The following FSTL5 variants were observed in gnomAD, a reference collection of about 807,000 sequenced individuals.
The protein encoded by FSTL5 is follistatin-related protein 5.
Under a neutral mutation model 89.1 loss-of-function variants are expected in FSTL5, and 62 were observed. That is an observed-to-expected ratio of 0.70 (90% CI 0.57 to 0.86). The LOEUF (loss-of-function observed/expected upper bound fraction) is 0.86. Ranked by LOEUF, FSTL5 falls within the 40% of genes least tolerant of loss-of-function variation. The pLI is 0.00. For synonymous variants in FSTL5, 383 were observed against 346.2 expected, an observed-to-expected ratio of 1.11 and a Z score of -1.18; for missense variants, 1,057 against 1,001.6, an observed-to-expected ratio of 1.06 and a Z score of -0.75.
At chr4:162,112,907 C>A (rs1045844250) in intron 1 of FSTL5, among the ~76,000 whole-genome samples, 1 of 151,992 alleles carries the variant, frequency 6.6e-6, no homozygotes, top group East Asian at 1.9e-4. Flanking sequence ...AAGAAATTGT[C>A]ACTTTCTTTG....
chr4:161,618,132 A>G (rs1294049379), intron 7 of FSTL5, among the ~76,000 whole-genome samples: 2 of 145,724 alleles, frequency 1.4e-5, no homozygotes, highest in Non-Finnish European at 3.0e-5. Context: ...TTTGTCTGTT[A>G]TTGGTGTATA....
chr4:161,956,122 T>C (rs559722054), intron 3 of FSTL5, among the ~76,000 whole-genome samples: 53 of 152,014 alleles, frequency 3.5e-4, no homozygotes, highest in African/African-American at 1.2e-3. Context: ...ATTAAAAATC[T>C]ATTTTTTCTT....
intron 8 of FSTL5, among the ~76,000 whole-genome samples, chr4:161,583,063 G>C (rs4131165): frequency 3.3e-5 from 5 of 152,020 alleles, no homozygotes; most frequent in Non-Finnish European, 5.9e-5. Flanking sequence ...GTAGCCAGGC[G>C]TGGTGGCGGG....
chr4:161,691,459 A>T (rs1327597769), intron 6 of FSTL5, among the ~76,000 whole-genome samples: 3 of 152,138 alleles, frequency 2.0e-5, no homozygotes, highest in Non-Finnish European at 4.4e-5. Flanking sequence ...AAATTGAGGC[A>T]TGTGAATCTT....
At position 162,141,106 on chromosome 4, in the gene FSTL5, C is replaced by CTTTTT. The variant is rs3032092; in HGVS notation, c.-17+22504_-17+22508dup. On this transcript the variant is annotated intron_variant, in intron 1 of 15. Coordinates refer to ENST00000306100, the MANE Select transcript of FSTL5 (RefSeq NM_020116.5). ...AGTGTGGCACCTCCCTCCCTTCTCTCTTTTTTTTTTTTTTTTTTTTTTTTT... is the reference window on the plus strand; with the variant it reads ...AGTGTGGCACCTCCCTCCCTTCTCTCTTTTTTTTTTTTTTTTTTTTTTTTTTTTTT... Among the ~76,000 whole-genome samples the CTTTTT allele has an allele frequency of 2.9e-3, 128 of 44,004 alleles. 6 individuals carry two copies. The highest frequency in any genetic ancestry group is 7.0e-3 in the East Asian group (9 of 1,286). The allele number at this position is 44,004 out of a possible 152,430, so 28.9% of individuals were successfully genotyped here. A position where few individuals can be genotyped will look rare whatever the true frequency, so the allele number is the denominator to read the frequency against.
chr4:161,439,336 G>A (rs1337978309), intron 15 of FSTL5, among the ~76,000 whole-genome samples: 1 of 152,218 alleles, frequency 6.6e-6, no homozygotes, highest in Non-Finnish European at 1.5e-5. Flanking sequence ...GTGGATGAGT[G>A]AGTTGGAGGC....
chr4:161,900,877 A>T (rs1256816247), intron 4 of FSTL5, among the ~76,000 whole-genome samples: 1 of 152,070 alleles, frequency 6.6e-6, no homozygotes, highest in Non-Finnish European at 1.5e-5. Context: ...TACAATAGTT[A>T]AACATGTTTA....
intron 3 of FSTL5, among the ~76,000 whole-genome samples, chr4:161,955,872 C>G (rs1210457802): frequency 2.0e-5 from 3 of 151,524 alleles, no homozygotes; most frequent in Non-Finnish European, 3.0e-5. Flanking sequence ...AACATTTTTT[C>G]AAGGAGAGAG....
At chr4:161,431,420 T>C (rs1156715866) in intron 15 of FSTL5, among the ~76,000 whole-genome samples, 2 of 151,782 alleles carry the variant, frequency 1.3e-5, no homozygotes, top group African/African-American at 4.8e-5. Context: ...TAAAAGATAT[T>C]ATTTGTAAGC....
At chr4:161,463,076 T>C (rs758654932) in intron 13 of FSTL5, among the ~76,000 whole-genome samples, 1 of 152,114 alleles carries the variant, frequency 6.6e-6, no homozygotes, top group Non-Finnish European at 1.5e-5. Flanking sequence ...AGTTAACTTA[T>C]GGAAATATTT....
At chr4:162,127,526 T>G (rs1732130045) in intron 1 of FSTL5, among the ~76,000 whole-genome samples, 1 of 152,200 alleles carries the variant, frequency 6.6e-6, no homozygotes, top group Non-Finnish European at 1.5e-5. Flanking sequence ...AAATACCATT[T>G]GTAAGGCATT....
At chr4:161,801,614 T>C (rs1351234278) in intron 4 of FSTL5, among the ~76,000 whole-genome samples, 1 of 151,402 alleles carries the variant, frequency 6.6e-6, no homozygotes, top group Non-Finnish European at 1.5e-5. Flanking sequence ...CTATTAACAC[T>C]CAGAATTTTC....
At chr4:161,389,525 G>A (rs187968499) in intron 15 of FSTL5, among the ~76,000 whole-genome samples, 1 of 152,116 alleles carries the variant, frequency 6.6e-6, no homozygotes, top group Admixed American at 6.6e-5. Context: ...TTTAAGCTAA[G>A]ATCCTGAAAT....
At chr4:162,001,392 C>A (rs1231065938) in intron 3 of FSTL5, among the ~76,000 whole-genome samples, 10 of 152,054 alleles carry the variant, frequency 6.6e-5, no homozygotes, top group Admixed American at 6.6e-4. Flanking sequence ...GAAAAGGAGG[C>A]ATCATTGAAT....
At chr4:161,658,735 G>A (rs748180588) in intron 6 of FSTL5, among the ~76,000 whole-genome samples, 167 of 152,078 alleles carry the variant, frequency 1.1e-3, no homozygotes, top group Admixed American at 3.7e-3. Flanking sequence ...CAGAAAGTGA[G>A]AACATTATAA....
At chr4:161,936,733 G>T (rs992673424) in intron 3 of FSTL5, among the ~76,000 whole-genome samples, 1 of 152,056 alleles carries the variant, frequency 6.6e-6, no homozygotes, top group African/African-American at 2.4e-5. Flanking sequence ...TATTCTTTCA[G>T]GACACAGCTA....
chr4:161,385,704 T>A lies in FSTL5; in HGVS notation c.*43A>T. On this transcript the variant is annotated 3_prime_UTR_variant, in exon 16 of 16. Coordinates refer to ENST00000306100, the MANE Select transcript of FSTL5 (RefSeq NM_020116.5). ...AATTTAAACAATGGATTAAGTGCAA[T>A]GTATTGTAAAACGCTTCATTCAATA... 1 of 1,300,898 alleles carries A rather than the reference T, an allele frequency of 7.7e-7. No homozygotes were observed. The highest frequency in any genetic ancestry group is 1.4e-5 in the South Asian group (1 of 70,808). 80.6% of individuals were successfully genotyped at this position (1,300,898 alleles called of 1,614,324 possible).
chr4:161,888,068 C>T (rs888811461), intron 4 of FSTL5, among the ~76,000 whole-genome samples: 1 of 44,206 alleles, frequency 2.3e-5, no homozygotes, highest in Admixed American at 2.8e-4. Context: ...GGCCTCTTCC[C>T]TTTATAAAAC....
At chr4:161,803,226 C>T (rs1384951108) in intron 4 of FSTL5, among the ~76,000 whole-genome samples, 1 of 151,874 alleles carries the variant, frequency 6.6e-6, no homozygotes, top group Non-Finnish European at 1.5e-5. Context: ...GGTTCAGGTT[C>T]ATGCTACGAC....
Sources: allele counts gnomAD v4.1 joint callset (sites outside exome capture counted in the v4.1 genomes callset), GRCh38; gene constraint gnomAD v4.1.1; transcripts MANE v1.5; gene names NCBI Gene and HGNC (gene_info 2026-07-23, HGNC 2026-07-21).